The following ABCA6 variants were observed in gnomAD, a reference collection of about 807,000 sequenced individuals.
ABCA6 encodes the protein ATP-binding cassette sub-family A member 6.
A neutral mutation model predicts 191.2 loss-of-function variants in ABCA6; 164 were observed. The ratio of observed to expected loss-of-function variants is 0.86; its 90% CI spans 0.76 to 0.98. The LOEUF is 0.98. ABCA6 is among the 50% of genes least tolerant of loss of function. The pLI is 0.00. For synonymous variants in ABCA6, 636 were observed against 647.7 expected (o/e 0.98, Z 0.27); for missense variants, 1,958 against 1,894.1 (o/e 1.03, Z -0.63).
At chr17:69,134,273 G>A (rs2144717871) in intron 5 of ABCA6, among the ~76,000 whole-genome samples, 1 of 152,264 alleles carries the variant, frequency 6.6e-6, no homozygotes, top group Non-Finnish European at 1.5e-5. Flanking sequence ...GGTATTAGGA[G>A]GGAGAGCCTT....
Position 69,140,674 on chromosome 17 carries a change from C to T in ABCA6, c.30G>A (p.Gln10=). 1.3e-6 allele frequency: 2 copies of T among 1,598,360 alleles called. No individual in the cohort carries two copies. Among genetic ancestry groups the T allele is most frequent in the Non-Finnish European group, 1.7e-6 (2 of 1,172,864 alleles). Residue 10 remains glutamine, a synonymous_variant, in exon 2 of 39, where the codon CAG becomes CAA. Coordinates refer to ENST00000284425, the MANE Select transcript of ABCA6 (RefSeq NM_080284.3). MNMKQKSVY[Q]QTKALLCKNF... ...TCTTGCACAGAAGTGCTTTGGTTTG[C>T]TGATACACGCTTTTCTGTTTCATAT...
At chr17:69,091,009 A>T in intron 26 of ABCA6, 134 bp downstream of exon 26, 2 of 838,656 alleles carry the variant, frequency 2.4e-6, no homozygotes, top group Non-Finnish European at 3.5e-6. Flanking sequence ...CATTTTCATC[A>T]TCCCCCCAAA....
chr17:69,083,545 C>T lies in ABCA6; in HGVS notation c.4356-214G>A, dbSNP rs117922143. On this transcript the variant is annotated intron_variant, in intron 34 of 38. Transcript: ENST00000284425. Reference sequence around the variant, plus strand: ...TTGAGTTATCTTCTGAAGATACTAACTGAAATATTTATAAATTAAAGAATA... The same window carrying T: ...TTGAGTTATCTTCTGAAGATACTAATTGAAATATTTATAAATTAAAGAATA... Among the ~76,000 whole-genome samples the T allele has an allele frequency of 6.6e-3, 1,010 of 152,122 alleles. 2 individuals carry two copies. Among genetic ancestry groups the T allele is most frequent in the Non-Finnish European group, 0.01 (710 of 68,002 alleles).
chr17:69,137,594 T>C, intron 2 of ABCA6, 94 bp from the exon 3 acceptor site: 1 of 1,185,662 alleles, frequency 8.4e-7, no homozygotes, highest in Non-Finnish European at 1.2e-6. Context: ...CAAATTCCAA[T>C]TGTGCTATAC....
Position 69,096,232 on chromosome 17 carries a change from A to G in ABCA6, c.3408+8T>C, listed in dbSNP as rs768781639. The G allele has an allele frequency of 2.2e-6, 3 of 1,369,678 alleles. No individual in the cohort carries two copies. The South Asian group carries it at 4.3e-5, about 20-fold the overall frequency. The allele number at this position is 1,369,678 out of a possible 1,614,324, so 84.8% of individuals were successfully genotyped here. A position where few individuals can be genotyped will look rare whatever the true frequency, so the allele number is the denominator to read the frequency against. On this transcript the variant is annotated splice_region_variant and intron_variant, in intron 25 of 38. Coordinates refer to ENST00000284425, the MANE Select transcript of ABCA6 (RefSeq NM_080284.3). ...CTATTTCTCTATTTGTATGTATTAT[A>G]TACTTACAAAAAAGAAGTAAAATGA... is the stretch of plus-strand genomic sequence containing the variant.
intron 1 of ABCA6, among the ~76,000 whole-genome samples, 183 bp from the exon 2 acceptor site, chr17:69,140,931 G>A (rs920530879): frequency 3.3e-5 from 5 of 152,058 alleles, no homozygotes; most frequent in Non-Finnish European, 7.4e-5. Context: ...GGAAGGCAGA[G>A]TGATTATTAT....
intron 18 of ABCA6, 70 bp downstream of exon 18, chr17:69,107,626 A>T: frequency 2.7e-6 from 3 of 1,120,576 alleles, no homozygotes; most frequent in Non-Finnish European, 3.9e-6. Context: ...CCCATAAGAA[A>T]TTATAAATAC....
chr17:69,113,273 G>A lies in ABCA6; in HGVS notation c.1990C>T (p.His664Tyr). 1 of 1,605,670 alleles carries A rather than the reference G, an allele frequency of 6.2e-7. No individual in the cohort carries two copies. ...GACTGGGTACTGAAAAGGATCACAT[G>A]ATCTGCTCTACGCTCTCTCAGGAGG... is the stretch of plus-strand genomic sequence containing the variant. Reference protein sequence around the residue: ...WSLLRERRADHVILFSTQSMD... With the variant: ...WSLLRERRADYVILFSTQSMD... Residue 664 changes from histidine to tyrosine, a missense_variant, in exon 15 of 39, where the codon CAT becomes TAT. Coordinates refer to ENST00000284425, the MANE Select transcript of ABCA6 (RefSeq NM_080284.3).
rs536409186 is a variant in ABCA6 at position 69,128,701 on chromosome 17, A to T, written c.1037T>A (p.Val346Glu). 6.2e-7 allele frequency: 1 copy of T among 1,613,430 alleles called. No individual in the cohort carries two copies. Among genetic ancestry groups the T allele is most frequent in the South Asian group, 1.1e-5 (1 of 90,980 alleles). ...AGATGAAGGAAGTTGTTCATAAAAT[A>T]CAGTGAATCCCAGACATCCCCAAAA... ...TLFWGCLGFTVFYEQLPSSLE... is the reference protein window; with the variant it reads ...TLFWGCLGFTEFYEQLPSSLE... The change falls in exon 8 of 39, where the codon GTA (valine) becomes GAA (glutamate). Residue 346 changes from valine (V) to glutamate (E), a missense_variant. Coordinates refer to ENST00000284425, the MANE Select transcript of ABCA6 (RefSeq NM_080284.3).
chr17:69,108,711 A>C (rs905270428), intron 17 of ABCA6: 2 of 152,130 alleles, frequency 1.3e-5, no homozygotes, highest in Non-Finnish European at 2.9e-5. Flanking sequence ...GGCCAATGAC[A>C]TTATTGAGAG....
chr17:69,083,529 C>T (rs2072694567), intron 34 of ABCA6, among the ~76,000 whole-genome samples, 198 bp from the exon 35 acceptor site: 1 of 152,040 alleles, frequency 6.6e-6, no homozygotes, highest in Non-Finnish European at 1.5e-5. Flanking sequence ...GTTGAGTTAT[C>T]TTCTGAAGAT....
chr17:69,141,454 A>G (rs1722990102), intron 1 of ABCA6, among the ~76,000 whole-genome samples: 1 of 152,066 alleles, frequency 6.6e-6, no homozygotes. Flanking sequence ...AAATCAAGAA[A>G]CACAATTTTT....
At chr17:69,104,146 C>T (rs1168730229) in intron 20 of ABCA6, 2 of 151,962 alleles carry the variant, frequency 1.3e-5, no homozygotes, top group Non-Finnish European at 2.9e-5. Flanking sequence ...GGGATGCTCA[C>T]ATTAAAAGAT....
intron 25 of ABCA6, chr17:69,094,740 A>G (rs201504531): frequency 1.2e-5 from 2 of 163,254 alleles, no homozygotes; most frequent in East Asian, 3.3e-4. Context: ...CATGAGGCAC[A>G]TAGCAAAAAA....
chr17:69,135,813 G>A (rs1352984780), intron 4 of ABCA6: 5 of 445,246 alleles, frequency 1.1e-5, no homozygotes, highest in Non-Finnish European at 2.0e-5. Context: ...TGCTAACCTG[G>A]AATCTCACCT....
At chr17:69,103,676 G>C (rs1173251362) in intron 20 of ABCA6, among the ~76,000 whole-genome samples, 2 of 151,992 alleles carry the variant, frequency 1.3e-5, no homozygotes, top group Admixed American at 6.6e-5. Context: ...ATGCAAGGGG[G>C]TAAGGTATGC....
In ABCA6 at chr17:69,082,885, G is replaced by A. The variant is rs762003028; in HGVS notation, c.4604C>T (p.Ala1535Val). The A allele has an allele frequency of 6.2e-6, 10 of 1,614,018 alleles. No individual in the cohort carries two copies. Among genetic ancestry groups the A allele is most frequent in the Admixed American group, 5.0e-5 (3 of 60,002 alleles). Residue 1535 changes from alanine to valine, a missense_variant, in exon 36 of 39, where the codon GCA (alanine) becomes GTA (valine). Physicochemically the swap from Ala to Val is moderately conservative, Grantham distance 64 (BLOSUM62 0). Transcript: ENST00000284425. ...TEILKLFPQA[A>V]GQERYSSLLT... ...AAGCCCGTCTCACCTTTCCTGCCCTGCAGCCTGTGGGAAAAGCTTCAGAAT... is the reference window on the plus strand; with the variant it reads ...AAGCCCGTCTCACCTTTCCTGCCCTACAGCCTGTGGGAAAAGCTTCAGAAT...
At chr17:69,114,282 G>T (rs538014353) in intron 13 of ABCA6, among the ~76,000 whole-genome samples, 7 of 152,018 alleles carry the variant, frequency 4.6e-5, no homozygotes, top group Admixed American at 1.3e-4. Context: ...GATGAAGCTG[G>T]AAACCATCAT....
At chr17:69,131,454 G>C (rs184832821) in intron 6 of ABCA6, among the ~76,000 whole-genome samples, 209 of 152,094 alleles carry the variant, frequency 1.4e-3, no homozygotes, top group Middle Eastern at 6.8e-3. Flanking sequence ...AAAAACACAG[G>C]ATATGAAAAT....
Sources: gnomAD v4.1 joint callset for allele counts (sites outside exome capture counted in the v4.1 genomes callset) on GRCh38, gnomAD v4.1.1 for gene constraint, MANE v1.5 for transcripts, NCBI Gene and HGNC (gene_info 2026-07-23, HGNC 2026-07-21) for gene names.